Variants in MEIS1 observed in about 807,000 individuals in gnomAD.
The protein encoded by MEIS1 is homeobox protein Meis1.
In MEIS1, 5 loss-of-function variants were observed where a neutral mutation model predicts 50.8. The ratio of observed to expected loss-of-function variants is 0.10; its 90% CI spans 0.05 to 0.21. The LOEUF is 0.21. Among genes scored for constraint, MEIS1 ranks in the 10% least tolerant of loss-of-function variants. MEIS1 has a pLI of 1.00. For synonymous variants in MEIS1, 176 were observed against 179.3 expected, an observed-to-expected ratio of 0.98 and a Z score of 0.15; for missense variants, 318 against 517.3, an observed-to-expected ratio of 0.61 and a Z score of 3.74.
At chr2:66,514,062 T>C (rs1288973437) in intron 8 of MEIS1, among the ~76,000 whole-genome samples, 1 of 152,186 alleles carries the variant, frequency 6.6e-6, no homozygotes, top group Non-Finnish European at 1.5e-5. Context: ...GTGGATAAAA[T>C]CAGGTTGGCC....
At position 66,500,338 on chromosome 2, in the gene MEIS1, A is replaced by G. The variant is rs1307164562; in HGVS notation, c.743-11811A>G. ...GTGCAGTGTAGGCATCAGGATTTGTAAAAGCTACCACATGATTTAAATGTA... is the reference window on the plus strand; with the variant it reads ...GTGCAGTGTAGGCATCAGGATTTGTGAAAGCTACCACATGATTTAAATGTA... On this transcript the variant is annotated intron_variant, in intron 7 of 12. Transcript: ENST00000272369. Among the ~76,000 whole-genome samples the G allele has an allele frequency of 3.3e-5, 5 of 152,226 alleles. No individual in the cohort carries two copies. The East Asian group carries it at 9.6e-4, about 29-fold the overall frequency.
chr2:66,495,528 T>C (rs1673380578), intron 7 of MEIS1, among the ~76,000 whole-genome samples: 2 of 152,186 alleles, frequency 1.3e-5, no homozygotes, highest in African/African-American at 4.8e-5. Context: ...TCTTTGGGTA[T>C]AAATGAGAAA....
Position 66,464,092 on chromosome 2 carries a change from G to A in MEIS1, c.631-17G>A. ...ACAGATGCCTCTTATTTGGGTTTCT[G>A]ATTTGTGCCCCCACAGCCCTCTTGG... On this transcript the variant is annotated splice_polypyrimidine_tract_variant and intron_variant, in intron 6 of 12. Transcript: ENST00000272369. 6.4e-7 allele frequency: 1 copy of A among 1,569,012 alleles called. No individual in the cohort carries two copies. The highest frequency in any genetic ancestry group is 8.7e-7 in the Non-Finnish European group (1 of 1,154,286).
At position 66,568,700 on chromosome 2, in the gene MEIS1, A is replaced by T; in HGVS notation, c.1058A>T (p.Gln353Leu). 1 of 1,613,802 alleles carries T rather than the reference A, an allele frequency of 6.2e-7. No homozygotes were observed. Among genetic ancestry groups the T allele is most frequent in the African/African-American group, 1.3e-5 (1 of 75,042 alleles). ...SQGTPYNPDG[Q>L]PMGGFVMDGQ... is the part of the protein sequence containing the mutation. Reference sequence around the variant, plus strand: ...GGAACACCTTATAATCCTGATGGACAGCCCATGGGAGGTTTCGTAATGGAC... The same window carrying T: ...GGAACACCTTATAATCCTGATGGACTGCCCATGGGAGGTTTCGTAATGGAC... The change falls in exon 11 of 13, where the codon CAG becomes CTG. Residue 353 changes from glutamine (Q) to leucine (L), a missense_variant. Coordinates refer to ENST00000272369, the MANE Select transcript of MEIS1 (RefSeq NM_002398.3).
chr2:66,458,866 A>G (rs1672455491), intron 6 of MEIS1, among the ~76,000 whole-genome samples: 1 of 152,246 alleles, frequency 6.6e-6, no homozygotes, highest in South Asian at 2.1e-4. Flanking sequence ...ATGCCAGGTG[A>G]CAATTTAACA....
chr2:66,495,096 TTTTTTTTTTTTTA>T (rs1404596413), intron 7 of MEIS1, among the ~76,000 whole-genome samples: 6 of 149,184 alleles, frequency 4.0e-5, no homozygotes, highest in African/African-American at 1.5e-4. Context: ...TTTTTTTTTT[TTTTTTTTTTTTTA>T]AACTAAGGAA....
At chr2:66,492,856 T>C (rs1206219694) in intron 7 of MEIS1, among the ~76,000 whole-genome samples, 1 of 152,238 alleles carries the variant, frequency 6.6e-6, no homozygotes, top group African/African-American at 2.4e-5. Flanking sequence ...CTCATTGCTT[T>C]AATGAGAGTT....
intron 8 of MEIS1, among the ~76,000 whole-genome samples, chr2:66,542,541 A>G (rs1044474091): frequency 1.3e-5 from 2 of 152,192 alleles, no homozygotes; most frequent in Non-Finnish European, 2.9e-5. Context: ...CATACCTTTT[A>G]AAGTATAGCA....
In MEIS1 at chr2:66,435,743, C is replaced by CTTT. The variant is rs70943697; in HGVS notation, c.-92_-90dup. 99 of 336,420 alleles carry CTTT rather than the reference C, an allele frequency of 2.9e-4. No homozygotes were observed. The highest frequency in any genetic ancestry group is 1.2e-3 in the South Asian group (17 of 14,040). 20.8% of individuals were successfully genotyped at this position (336,420 alleles called of 1,614,324 possible). On this transcript the variant is annotated 5_prime_UTR_variant, in exon 1 of 13. Transcript: ENST00000272369. Reference sequence around the variant, plus strand: ...AGACGTTAAGGGATTTTTCGTCGTGCTTTTTTTTTTTTTTTTTTTTTTTTC... The same window carrying CTTT: ...AGACGTTAAGGGATTTTTCGTCGTGCTTTTTTTTTTTTTTTTTTTTTTTTTTTC...
chr2:66,553,034 C>A (rs1041057553), intron 9 of MEIS1, among the ~76,000 whole-genome samples: 4 of 151,926 alleles, frequency 2.6e-5, no homozygotes, highest in African/African-American at 9.7e-5. Flanking sequence ...GCAAGGAAAA[C>A]AGATGTAAAA....
At position 66,492,250 on chromosome 2, in the gene MEIS1, T is replaced by A. The variant is rs150767327; in HGVS notation, c.743-19899T>A. ...GACCAGGCAGCCATGAACCTTTCCG[T>A]CTGTGTGAACTGTCACCGTGCTTAT... On this transcript the variant is annotated intron_variant, in intron 7 of 12. Transcript: ENST00000272369. Among the ~76,000 whole-genome samples, 177 of 151,950 alleles carry A rather than the reference T, an allele frequency of 1.2e-3. 1 individual carries two copies. The highest frequency in any genetic ancestry group is 4.2e-3 in the African/African-American group (173 of 41,472).
At chr2:66,543,642 G>C (rs543640480) in intron 8 of MEIS1, among the ~76,000 whole-genome samples, 1 of 152,256 alleles carries the variant, frequency 6.6e-6, no homozygotes, top group South Asian at 2.1e-4. Context: ...GGAAACACTC[G>C]AGAAAGAACC....
intron 3 of MEIS1, 25 bp from the exon 4 acceptor site, chr2:66,440,537 C>T: frequency 1.2e-6 from 2 of 1,604,284 alleles, no homozygotes; most frequent in Non-Finnish European, 1.7e-6. Flanking sequence ...CCTCCCTCTC[C>T]CCTCTCCTTC....
intron 7 of MEIS1, among the ~76,000 whole-genome samples, chr2:66,487,874 A>G (rs997297892): frequency 2.6e-5 from 4 of 152,248 alleles, no homozygotes; most frequent in African/African-American, 9.6e-5. Flanking sequence ...CATTTTACAT[A>G]TAGATTGAAG....
chr2:66,491,783 G>A (rs1001943512), intron 7 of MEIS1, among the ~76,000 whole-genome samples: 3 of 152,054 alleles, frequency 2.0e-5, no homozygotes, highest in Non-Finnish European at 4.4e-5. Context: ...CAGAGTGTGT[G>A]GGGCTTCGTA....
At chr2:66,536,272 A>G in intron 8 of MEIS1, among the ~76,000 whole-genome samples, 1 of 152,244 alleles carries the variant, frequency 6.6e-6, no homozygotes. Flanking sequence ...TCATCTTAAT[A>G]TTTTAATATC....
chr2:66,479,966 C>T (rs1015862050), intron 7 of MEIS1, among the ~76,000 whole-genome samples: 9 of 152,144 alleles, frequency 5.9e-5, no homozygotes, highest in Middle Eastern at 3.2e-3. Context: ...TGTTTTGATG[C>T]ATAGTGTAGT....
chr2:66,559,336 G>A (rs1675153900), intron 9 of MEIS1, among the ~76,000 whole-genome samples: 1 of 152,162 alleles, frequency 6.6e-6, no homozygotes, highest in Non-Finnish European at 1.5e-5. Flanking sequence ...GTTTATGCCT[G>A]TTGCCCAGTG....
chr2:66,513,095 C>T (rs2103855610), intron 8 of MEIS1, among the ~76,000 whole-genome samples: 1 of 151,808 alleles, frequency 6.6e-6, no homozygotes, highest in South Asian at 2.1e-4. Context: ...TAAGTGCATA[C>T]CAATTTAAAG....
Sources: allele counts gnomAD v4.1 joint callset (sites outside exome capture counted in the v4.1 genomes callset), GRCh38; gene constraint gnomAD v4.1.1; transcripts MANE v1.5; gene names NCBI Gene and HGNC (gene_info 2026-07-23, HGNC 2026-07-21).